SP8: variants seen among roughly 807,000 people sequenced by gnomAD.
SP8 encodes the protein Sp8 transcription factor, also known as transcription factor Sp8.
A neutral mutation model predicts 15.3 loss-of-function variants in SP8; 7 were observed. That is an observed-to-expected ratio of 0.46 (90% confidence interval 0.26 to 0.86). The LOEUF (loss-of-function observed/expected upper bound fraction) is 0.86, where lower values mean the gene tolerates loss of function less well. Among genes scored for constraint, SP8 ranks in the 40% least tolerant of loss-of-function variants. The probability of loss-of-function intolerance (pLI) is 0.16; values close to 1 mark genes in which losing one functional copy is unlikely to be tolerated. For missense variants in SP8, 731 were observed against 736.4 expected (o/e 0.99, Z 0.09); for synonymous variants, 415 against 356.3 (o/e 1.16, Z -1.86).
At position 20,785,869 on chromosome 7, in the gene SP8, T is replaced by TG; in HGVS notation, c.22-75dup. 1 of 1,506,298 alleles carries TG rather than the reference T, an allele frequency of 6.6e-7. No individual in the cohort carries two copies. Among genetic ancestry groups the TG allele is most frequent in the Non-Finnish European group, 9.0e-7 (1 of 1,110,612 alleles). The allele number at this position is 1,506,298 out of a possible 1,614,324, so 93.3% of individuals were successfully genotyped here. On this transcript the variant is annotated intron_variant, in intron 1 of 1. Coordinates refer to ENST00000418710, the MANE Select transcript of SP8 (RefSeq NM_182700.6). The surrounding 1 kb of genome is among the most constrained non-coding windows in gnomAD (Gnocchi z 7.2). ...GCCGGTGGGGGAGGAAAGGAAGAAA[T>TG]GTGCATCAGTCCTTCGGTAGCCTCC...
rs774877453 is a variant in SP8, at chr7:20,785,520, G to GGCCGCGGCAGCCGCGGCTGCT, written c.276_296dup (p.Ala93_Ala99dup). 1.0e-5 allele frequency: 15 copies of GGCCGCGGCAGCCGCGGCTGCT among 1,453,870 alleles called. No individual in the cohort carries two copies. The highest frequency in any genetic ancestry group is 1.5e-5 in the African/African-American group (1 of 66,352). 90.1% of individuals were successfully genotyped at this position (1,453,870 alleles called of 1,614,324 possible). ...CGCAGCTGAACGAGTCGGACACCAG[G>GGCCGCGGCAGCCGCGGCTGCT]GCCGCGGCAGCCGCGGCTGCTGCCG... On this transcript the variant is annotated inframe_insertion, in exon 2 of 2. Coordinates refer to ENST00000418710, the MANE Select transcript of SP8 (RefSeq NM_182700.6). This position sits in a 1 kb window ranked among gnomAD's most constrained non-coding sequence, Gnocchi z 7.2.
At position 20,784,280 on chromosome 7, in the gene SP8, A is replaced by C; in HGVS notation, c.*10T>G. The C allele has an allele frequency of 2.3e-6, 3 of 1,317,298 alleles. No homozygotes were observed. Among genetic ancestry groups the C allele is most frequent in the Non-Finnish European group, 3.0e-6 (3 of 1,009,040 alleles). The allele number at this position is 1,317,298 out of a possible 1,614,324, so 81.6% of individuals were successfully genotyped here. ...GGAGGTCGGGGAGAGGGGCGGGCGC[A>C]GGGTGGGCGTCACTCTAGGCCGTTG... is the stretch of plus-strand genomic sequence containing the variant. On this transcript the variant is annotated 3_prime_UTR_variant, in exon 2 of 2. Coordinates refer to ENST00000418710, the MANE Select transcript of SP8 (RefSeq NM_182700.6).
At position 20,784,785 on chromosome 7, in the gene SP8, G is replaced by A. The variant is rs1279653491; in HGVS notation, c.1032C>T (p.Tyr344=). The change falls in exon 2 of 2, where the codon TAC becomes TAT. Residue 344 remains tyrosine, a synonymous_variant. Transcript: ENST00000418710. The part of the protein sequence containing the change: ...GGSPRSSARR[Y]SGRATCDCPN... Reference sequence around the variant, plus strand: ...GGCAGTCGCAGGTGGCGCGGCCGGAGTAGCGGCGAGCTGAGGAGCGCGGGG... The same window carrying A: ...GGCAGTCGCAGGTGGCGCGGCCGGAATAGCGGCGAGCTGAGGAGCGCGGGG... 2 of 1,540,698 alleles carry A rather than the reference G, an allele frequency of 1.3e-6. No homozygotes were observed. Among genetic ancestry groups the A allele is most frequent in the South Asian group, 1.2e-5 (1 of 84,602 alleles).
In SP8 at chr7:20,784,211, G is replaced by A; in HGVS notation, c.*79C>T. The stretch of plus-strand genomic sequence containing the variant: ...AGTCGGATGCAATAGGGAAAGGCTG[G>A]AGTTGAAGTCCGGACAGACAGGGCC... On this transcript the variant is annotated 3_prime_UTR_variant, in exon 2 of 2. Coordinates refer to ENST00000418710, the MANE Select transcript of SP8 (RefSeq NM_182700.6). 3.2e-6 allele frequency: 4 copies of A among 1,237,204 alleles called. No individual in the cohort carries two copies. Among genetic ancestry groups the A allele is most frequent in the Non-Finnish European group, 4.2e-6 (4 of 948,230 alleles). The allele number at this position is 1,237,204 out of a possible 1,614,324, so 76.6% of individuals were successfully genotyped here.
chr7:20,785,321 AGCCGCCGCCGCCGCCCCCGCC>A lies in SP8; in HGVS notation c.475_495del (p.Gly159_Gly165del), dbSNP rs751892578. The stretch of plus-strand genomic sequence containing the variant: ...GAGCCGTCCTGCGAGTGCGCGGAGG[AGCCGCCGCCGCCGCCCCCGCC>A]GCCGCCGCCGCTGCCCCCGGAAACT... On this transcript the variant is annotated inframe_deletion, in exon 2 of 2. Coordinates refer to ENST00000418710, the MANE Select transcript of SP8 (RefSeq NM_182700.6). This position sits in a 1 kb window ranked among gnomAD's most constrained non-coding sequence, Gnocchi z 7.2. The A allele has an allele frequency of 1.0e-5, 15 of 1,487,964 alleles. No individual in the cohort carries two copies. Among genetic ancestry groups the A allele is most frequent in the African/African-American group, 4.4e-5 (3 of 68,142 alleles). 92.2% of individuals were successfully genotyped at this position (1,487,964 alleles called of 1,614,324 possible).
rs1398732044 is a variant in SP8 at position 20,786,085 on chromosome 7, T to C, written c.22-290A>G. On this transcript the variant is annotated intron_variant, in intron 1 of 1. Coordinates refer to ENST00000418710, the MANE Select transcript of SP8 (RefSeq NM_182700.6). The surrounding 1 kb of genome is among the most constrained non-coding windows in gnomAD (Gnocchi z 4.4). Reference sequence around the variant, plus strand: ...CAAGTATTCTCACCTAAAACAACACTCTCTTGCACACAAAGCCCCAGACAC... The same window carrying C: ...CAAGTATTCTCACCTAAAACAACACCCTCTTGCACACAAAGCCCCAGACAC... The C allele has an allele frequency of 1.7e-6, 2 of 1,181,650 alleles. No homozygotes were observed. The highest frequency in any genetic ancestry group is 7.1e-5 in the East Asian group (2 of 28,140). 73.2% of individuals were successfully genotyped at this position (1,181,650 alleles called of 1,614,324 possible). A position where few individuals can be genotyped will look rare whatever the true frequency, so the allele number is the denominator to read the frequency against.
chr7:20,783,462 G>A lies in SP8; in HGVS notation c.*828C>T, dbSNP rs1038593928. On this transcript the variant is annotated 3_prime_UTR_variant, in exon 2 of 2. Coordinates refer to ENST00000418710, the MANE Select transcript of SP8 (RefSeq NM_182700.6). ...TAGAGGAAAAAACTATTATAGAAGG[G>A]AAACCAAATGGAAGGTTGCTATTTT... 1.1e-4 allele frequency: 16 copies of A among 151,558 alleles called. No homozygotes were observed. Among genetic ancestry groups the A allele is most frequent in the African/African-American group, 3.2e-4 (13 of 41,236 alleles). 9.4% of individuals were successfully genotyped at this position (151,558 alleles called of 1,614,324 possible).
chr7:20,785,364 A>C lies in SP8; in HGVS notation c.453T>G (p.Val151=), dbSNP rs1783636875. ...CGCCGCCGCCGCCGCTGCCCCCGGA[A>C]ACTCCGGGGGCCTGGAAAACAGAGT... ...NDYSVFQAPG[V]SGGSGGGGGG... Residue 151 remains valine (V), a synonymous_variant, in exon 2 of 2, where the codon GTT becomes GTG. Transcript: ENST00000418710. The surrounding 1 kb of genome is among the most constrained non-coding windows in gnomAD (Gnocchi z 7.2). 1 of 1,364,066 alleles carries C rather than the reference A, an allele frequency of 7.3e-7. No homozygotes were observed. The highest frequency in any genetic ancestry group is 9.6e-7 in the Non-Finnish European group (1 of 1,044,460). The allele number at this position is 1,364,066 out of a possible 1,614,324, so 84.5% of individuals were successfully genotyped here. A position where few individuals can be genotyped will look rare whatever the true frequency, so the allele number is the denominator to read the frequency against.
At position 20,785,436 on chromosome 7, in the gene SP8, G is replaced by GGCGGCGGCT. The variant is rs1260493976; in HGVS notation, c.372_380dup (p.Ala132_Ala134dup). On this transcript the variant is annotated inframe_insertion, in exon 2 of 2. Transcript: ENST00000418710. This position sits in a 1 kb window ranked among gnomAD's most constrained non-coding sequence, Gnocchi z 7.2. ...TGGAGGCGGCGGCTGCGGCGGCGGC[G>GGCGGCGGCT]GCGGCGGCTGCGGCGCTGCTGGAGG... is the stretch of plus-strand genomic sequence containing the variant. 8.4e-6 allele frequency: 10 copies of GGCGGCGGCT among 1,184,326 alleles called. No individual in the cohort carries two copies. Among genetic ancestry groups the GGCGGCGGCT allele is most frequent in the African/African-American group, 1.6e-5 (1 of 61,090 alleles). 73.4% of individuals were successfully genotyped at this position (1,184,326 alleles called of 1,614,324 possible). A position where few individuals can be genotyped will look rare whatever the true frequency, so the allele number is the denominator to read the frequency against.
In SP8 at chr7:20,784,762, C is replaced by A; in HGVS notation, c.1055G>T (p.Cys352Phe). Residue 352 changes from cysteine (C) to phenylalanine (F), a missense_variant, in exon 2 of 2, where the codon TGC becomes TTC. Physicochemically the swap from Cys to Phe is radical, Grantham distance 205. Coordinates refer to ENST00000418710, the MANE Select transcript of SP8 (RefSeq NM_182700.6). ...RRYSGRATCD[C>F]PNCQEAERLG... ...CCGCTCTGCCTCCTGGCAGTTGGGGCAGTCGCAGGTGGCGCGGCCGGAGTA... is the reference window on the plus strand; with the variant it reads ...CCGCTCTGCCTCCTGGCAGTTGGGGAAGTCGCAGGTGGCGCGGCCGGAGTA... The A allele has an allele frequency of 6.4e-7, 1 of 1,571,924 alleles. No individual in the cohort carries two copies. The highest frequency in any genetic ancestry group is 8.6e-7 in the Non-Finnish European group (1 of 1,165,480).
chr7:20,785,892 T>A lies in SP8; in HGVS notation c.22-97A>T, dbSNP rs1783665321. The stretch of plus-strand genomic sequence containing the variant: ...AATGTGCATCAGTCCTTCGGTAGCC[T>A]CCAAAGCGCCCCACTGCACCCCATC... On this transcript the variant is annotated intron_variant, in intron 1 of 1. Transcript: ENST00000418710. The surrounding 1 kb of genome is among the most constrained non-coding windows in gnomAD (Gnocchi z 7.2). 1 of 1,481,348 alleles carries A rather than the reference T, an allele frequency of 6.8e-7. No homozygotes were observed. The highest frequency in any genetic ancestry group is 9.1e-7 in the Non-Finnish European group (1 of 1,101,422). 91.8% of individuals were successfully genotyped at this position (1,481,348 alleles called of 1,614,324 possible).
Position 20,786,701 on chromosome 7 carries a change from C to T in SP8, c.21+77G>A. On this transcript the variant is annotated intron_variant, in intron 1 of 1. Coordinates refer to ENST00000418710, the MANE Select transcript of SP8 (RefSeq NM_182700.6). The surrounding 1 kb of genome is among the most constrained non-coding windows in gnomAD (Gnocchi z 4.4). The stretch of plus-strand genomic sequence containing the variant: ...AGAGACTGATAGCCCGTGGCCTGGC[C>T]GGGGCGACTTTAACCCCCTCCAATC... 2 of 1,290,930 alleles carry T rather than the reference C, an allele frequency of 1.5e-6. No homozygotes were observed. Among genetic ancestry groups the T allele is most frequent in the Non-Finnish European group, 2.3e-6 (2 of 884,978 alleles). The allele number at this position is 1,290,930 out of a possible 1,614,324, so 80.0% of individuals were successfully genotyped here.
chr7:20,785,728 G>A lies in SP8; in HGVS notation c.89C>T (p.Pro30Leu). Residue 30 changes from proline (P) to leucine (L), a missense_variant, in exon 2 of 2, where the codon CCC becomes CTC. Around this residue, in one of 3 missense-constraint regions of SP8, gnomAD observed 586 missense variants for 524.9 expected, o/e 1.12. Coordinates refer to ENST00000418710, the MANE Select transcript of SP8 (RefSeq NM_182700.6). This position sits in a 1 kb window ranked among gnomAD's most constrained non-coding sequence, Gnocchi z 7.2. ...LAATCNKIGS[P>L]SPSPSSLSDS... ...CGAGAGGGAGGAGGGAGACGGGCTGGGGCTGCCTATCTTATTACAGGTAGC... is the reference window on the plus strand; with the variant it reads ...CGAGAGGGAGGAGGGAGACGGGCTGAGGCTGCCTATCTTATTACAGGTAGC... The A allele has an allele frequency of 6.2e-7, 1 of 1,613,902 alleles. No homozygotes were observed. Among genetic ancestry groups the A allele is most frequent in the Non-Finnish European group, 8.5e-7 (1 of 1,179,970 alleles).
At position 20,785,244 on chromosome 7, in the gene SP8, C is replaced by A; in HGVS notation, c.573G>T (p.Gln191His). The part of the protein sequence containing the change: ...SKVHTSVDGL[Q>H]GIYPRVGMAH... The stretch of plus-strand genomic sequence containing the variant: ...CCATGCCCACCCGCGGGTAGATGCC[C>A]TGCAGCCCGTCCACAGAGGTGTGCA... Residue 191 changes from glutamine to histidine, a missense_variant, in exon 2 of 2, where the codon CAG becomes CAT. Physicochemically the swap from Gln to His is conservative, Grantham distance 24. This residue lies in a region of SP8 where 586 missense variants were observed against 524.9 expected (regional missense o/e 1.12). Transcript: ENST00000418710. This position sits in a 1 kb window ranked among gnomAD's most constrained non-coding sequence, Gnocchi z 7.2. 6.3e-7 allele frequency: 1 copy of A among 1,597,622 alleles called. No individual in the cohort carries two copies. The highest frequency in any genetic ancestry group is 2.3e-5 in the East Asian group (1 of 43,376).
Position 20,784,808 on chromosome 7 carries a change from G to C in SP8, c.1009C>G (p.Pro337Ala), listed in dbSNP as rs756696662. Residue 337 changes from proline (P) to alanine (A), a missense_variant, in exon 2 of 2, where the codon CCG (proline) becomes GCG (alanine). Physicochemically the swap from Pro to Ala is conservative, Grantham distance 27 (BLOSUM62 -1). Coordinates refer to ENST00000418710, the MANE Select transcript of SP8 (RefSeq NM_182700.6). ...GAGTAGCGGCGAGCTGAGGAGCGCG[G>C]GGAGCCCCCCAGCGGCGCCGAAGGC... ...AGPSAPLGGS[P>A]RSSARRYSGR... The C allele has an allele frequency of 3.4e-5, 52 of 1,529,706 alleles. 1 individual carries two copies. In the East Asian group the frequency reaches 6.7e-4, roughly 20 times the overall value. 94.8% of individuals were successfully genotyped at this position (1,529,706 alleles called of 1,614,324 possible). A position where few individuals can be genotyped will look rare whatever the true frequency, so the allele number is the denominator to read the frequency against.
rs367927423 is a variant in SP8, at chr7:20,784,424, AGCCGCC to A, written c.1387_1392del (p.Gly463_Gly464del). 2.1e-4 allele frequency: 316 copies of A among 1,530,950 alleles called. 1 individual carries two copies. Among genetic ancestry groups the A allele is most frequent in the Admixed American group, 2.0e-4 (10 of 50,232 alleles). The allele number at this position is 1,530,950 out of a possible 1,614,324, so 94.8% of individuals were successfully genotyped here. A position where few individuals can be genotyped will look rare whatever the true frequency, so the allele number is the denominator to read the frequency against. ...TTGCCGCCGCTGCCCGAGCCCGCCGAGCCGCCGCCGCCGCCGCCGCCACTGTGCGTC... is the reference window on the plus strand; with the variant it reads ...TTGCCGCCGCTGCCCGAGCCCGCCGAGCCGCCGCCGCCGCCACTGTGCGTC... On this transcript the variant is annotated inframe_deletion, in exon 2 of 2. Coordinates refer to ENST00000418710, the MANE Select transcript of SP8 (RefSeq NM_182700.6).
chr7:20,785,319 G>A lies in SP8; in HGVS notation c.498C>T (p.Ser166=). 1 of 1,503,644 alleles carries A rather than the reference G, an allele frequency of 6.7e-7. No individual in the cohort carries two copies. Among genetic ancestry groups the A allele is most frequent in the Non-Finnish European group, 8.9e-7 (1 of 1,128,776 alleles). The allele number at this position is 1,503,644 out of a possible 1,614,324, so 93.1% of individuals were successfully genotyped here. ...GGGGGGGGGG[S]SAHSQDGSHQ... ...GGGAGCCGTCCTGCGAGTGCGCGGA[G>A]GAGCCGCCGCCGCCGCCCCCGCCGC... is the stretch of plus-strand genomic sequence containing the variant. The change falls in exon 2 of 2, where the codon TCC becomes TCT. Residue 166 remains serine (S), a synonymous_variant. Transcript: ENST00000418710. The surrounding 1 kb of genome is among the most constrained non-coding windows in gnomAD (Gnocchi z 7.2).
Position 20,786,823 on chromosome 7 carries a change from C to T in SP8, c.-25G>A. The T allele has an allele frequency of 1.9e-6, 3 of 1,597,314 alleles. No individual in the cohort carries two copies. The highest frequency in any genetic ancestry group is 2.6e-6 in the Non-Finnish European group (3 of 1,164,642). On this transcript the variant is annotated 5_prime_UTR_variant, in exon 1 of 2. Coordinates refer to ENST00000418710, the MANE Select transcript of SP8 (RefSeq NM_182700.6). This position sits in a 1 kb window ranked among gnomAD's most constrained non-coding sequence, Gnocchi z 4.4. ...TCACACAAAAGTGCCCTCCTCCTCT[C>T]AGAGGATCTTTTTTATATTGATAAA...
Position 20,784,206 on chromosome 7 carries a change from G to T in SP8, c.*84C>A. ...GAGCGAGTCGGATGCAATAGGGAAA[G>T]GCTGGAGTTGAAGTCCGGACAGACA... On this transcript the variant is annotated 3_prime_UTR_variant, in exon 2 of 2. Transcript: ENST00000418710. The T allele has an allele frequency of 8.3e-7, 1 of 1,203,878 alleles. No individual in the cohort carries two copies. The highest frequency in any genetic ancestry group is 1.1e-6 in the Non-Finnish European group (1 of 918,526). 74.6% of individuals were successfully genotyped at this position (1,203,878 alleles called of 1,614,324 possible).
Sources: allele counts gnomAD v4.1 joint callset, GRCh38; gene constraint gnomAD v4.1.1; regional missense constraint gnomAD v4.1.1; non-coding constraint Gnocchi (gnomAD v3.1); transcripts MANE v1.5; gene names NCBI Gene and HGNC (gene_info 2026-07-23, HGNC 2026-07-21).